The following MTX2 variants were observed in gnomAD, a reference collection of about 807,000 sequenced individuals.
MTX2 encodes metaxin-2.
MTX2 carries 35 observed loss-of-function variants against 42.3 expected under a neutral mutation model. That is an observed-to-expected ratio of 0.83 (90% CI 0.63 to 1.10). MTX2 has a LOEUF of 1.10. MTX2 is among the 50% of genes least tolerant of loss of function. The pLI, the probability that MTX2 is intolerant of heterozygous loss-of-function variation, is 0.00. For synonymous variants in MTX2, 119 were observed against 100.9 expected (o/e 1.18, Z -1.08); for missense variants, 307 against 304.1 (o/e 1.01, Z -0.07).
intron 1 of MTX2, among the ~76,000 whole-genome samples, chr2:176,294,649 G>C (rs965849574): frequency 6.6e-6 from 1 of 152,202 alleles, no homozygotes; most frequent in Non-Finnish European, 1.5e-5. Context: ...ACATTACAGA[G>C]TAGTGAAGTA....
chr2:176,307,072 A>G (rs568996787), intron 3 of MTX2, among the ~76,000 whole-genome samples: 64 of 152,264 alleles, frequency 4.2e-4, no homozygotes, highest in African/African-American at 1.5e-3. Flanking sequence ...TGCATCTTGA[A>G]TTAATTTCTG....
At chr2:176,287,088 G>A (rs1309292217) in intron 1 of MTX2, among the ~76,000 whole-genome samples, 3 of 151,968 alleles carry the variant, frequency 2.0e-5, no homozygotes, top group Non-Finnish European at 4.4e-5. Flanking sequence ...GTCATAATGA[G>A]GTAGACTTCA....
At chr2:176,301,362 G>T (rs1002374794) in intron 3 of MTX2, among the ~76,000 whole-genome samples, 1 of 152,068 alleles carries the variant, frequency 6.6e-6, no homozygotes, top group African/African-American at 2.4e-5. Flanking sequence ...AAACAACAAC[G>T]ACATTGGTTG....
chr2:176,270,316 G>A, intron 1 of MTX2: 6 of 1,323,346 alleles, frequency 4.5e-6, no homozygotes, highest in Non-Finnish European at 6.0e-6. Flanking sequence ...GATTACAGGC[G>A]CCCGCCACCA....
intron 9 of MTX2, among the ~76,000 whole-genome samples, chr2:176,336,014 A>C (rs1177522955): frequency 6.6e-6 from 1 of 152,116 alleles, no homozygotes; most frequent in Non-Finnish European, 1.5e-5. Context: ...ATAGCTAGTA[A>C]GTGATAGTAT....
At chr2:176,328,064 A>G (rs576954138) in intron 5 of MTX2, among the ~76,000 whole-genome samples, 1 of 151,148 alleles carries the variant, frequency 6.6e-6, no homozygotes, top group East Asian at 1.9e-4. Flanking sequence ...TGATAGTGTA[A>G]TTTTCTCTAT....
chr2:176,296,968 C>T (rs1314042808), intron 2 of MTX2, 61 bp downstream of exon 2: 3 of 1,470,480 alleles, frequency 2.0e-6, no homozygotes, highest in Non-Finnish European at 2.9e-6. Context: ...ACGGAAAAAT[C>T]CTCAGTAATA....
intron 1 of MTX2, among the ~76,000 whole-genome samples, chr2:176,280,160 C>A (rs950227711): frequency 6.6e-6 from 1 of 152,002 alleles, no homozygotes; most frequent in African/African-American, 2.4e-5. Context: ...GGACTAGAGG[C>A]CAGGGAGTCA....
chr2:176,273,534 T>G (rs77418528), intron 1 of MTX2, among the ~76,000 whole-genome samples: 163 of 152,342 alleles, frequency 1.1e-3, no homozygotes, highest in Admixed American at 1.9e-3. Flanking sequence ...CTAACACTGA[T>G]TATTTCTTTT....
chr2:176,328,342 A>G lies in MTX2; in HGVS notation c.335A>G (p.Lys112Arg). 1 of 1,590,974 alleles carries G rather than the reference A, an allele frequency of 6.3e-7. No individual in the cohort carries two copies. Among genetic ancestry groups the G allele is most frequent in the African/African-American group, 1.4e-5 (1 of 73,900 alleles). Reference sequence around the variant, plus strand: ...GAGGAAGTCCAAAAAGCAGAAATGAAAGCTTACATGGAATTAGTCAACAAT... The same window carrying G: ...GAGGAAGTCCAAAAAGCAGAAATGAGAGCTTACATGGAATTAGTCAACAAT... ...GLEEVQKAEM[K>R]AYMELVNNML... is the part of the protein sequence containing the mutation. The change falls in exon 6 of 10, where the codon AAA becomes AGA. Residue 112 changes from lysine (K) to arginine (R), a missense_variant. Physicochemically the swap from Lys to Arg is conservative, Grantham distance 26 (BLOSUM62 2). Coordinates refer to ENST00000249442, the MANE Select transcript of MTX2 (RefSeq NM_006554.5).
At chr2:176,317,329 A>G (rs900175367) in intron 3 of MTX2, among the ~76,000 whole-genome samples, 9 of 151,640 alleles carry the variant, frequency 5.9e-5, no homozygotes, top group African/African-American at 2.2e-4. Flanking sequence ...GTTCTTGTGC[A>G]AGTACTTGGC....
chr2:176,282,126 G>GTTTTTTTGTTTTTTTTTTTT (rs1693091383), intron 1 of MTX2, among the ~76,000 whole-genome samples: 3 of 26,432 alleles, frequency 1.1e-4, no homozygotes, highest in African/African-American at 1.6e-4. Context: ...AGTTACAGTA[G>GTTTTTTTGTTTTTTTTTTTT]TTTTTTTTTT....
chr2:176,284,651 A>G (rs540375387), intron 1 of MTX2, among the ~76,000 whole-genome samples: 1 of 152,332 alleles, frequency 6.6e-6, no homozygotes, highest in East Asian at 1.9e-4. Context: ...AAATAGCAAC[A>G]TGTTACTAAG....
At chr2:176,271,443 A>G (rs1212429853) in intron 1 of MTX2, among the ~76,000 whole-genome samples, 1 of 152,206 alleles carries the variant, frequency 6.6e-6, no homozygotes. Context: ...AAGACATCTC[A>G]AGTTAGTACA....
Position 176,288,418 on chromosome 2 carries a change from G to A in MTX2, c.41-8442G>A, listed in dbSNP as rs578087286. On this transcript the variant is annotated intron_variant, in intron 1 of 9. Coordinates refer to ENST00000249442, the MANE Select transcript of MTX2 (RefSeq NM_006554.5). The stretch of plus-strand genomic sequence containing the variant: ...TTCTTTGTGTGTCTTGCAGTAACTT[G>A]TCCATGTTTAAGAGCTGCCGAATGC... 7.0e-4 allele frequency among the ~76,000 whole-genome samples: 106 copies of A among 151,848 alleles called. 1 individual carries two copies. Among genetic ancestry groups the A allele is most frequent in the Non-Finnish European group, 4.1e-4 (28 of 67,912 alleles).
At chr2:176,328,241 T>G (rs1684758188) in intron 5 of MTX2, 52 bp from the exon 6 acceptor site, 1 of 1,214,450 alleles carries the variant, frequency 8.2e-7, no homozygotes, top group Non-Finnish European at 1.1e-6. Context: ...TAACTGAAAG[T>G]TTTTGTATAT....
chr2:176,322,914 T>G (rs1204279403), intron 3 of MTX2, among the ~76,000 whole-genome samples: 1 of 151,902 alleles, frequency 6.6e-6, no homozygotes, highest in Non-Finnish European at 1.5e-5. Context: ...AACTACATGT[T>G]GGAATATAGG....
At chr2:176,313,466 C>T (rs1173920867) in intron 3 of MTX2, among the ~76,000 whole-genome samples, 4 of 144,818 alleles carry the variant, frequency 2.8e-5, no homozygotes, top group Non-Finnish European at 5.9e-5. Context: ...GATCTTGGCT[C>T]ACTGCAACTT....
intron 8 of MTX2, among the ~76,000 whole-genome samples, chr2:176,329,882 C>CT (rs1553475559): frequency 6.7e-6 from 1 of 148,834 alleles, no homozygotes; most frequent in African/African-American, 2.5e-5. Context: ...GTACTTTGTC[C>CT]GTCTGTCTGT....
Sources: gnomAD v4.1 joint callset for allele counts (sites outside exome capture counted in the v4.1 genomes callset) on GRCh38, gnomAD v4.1.1 for gene constraint, MANE v1.5 for transcripts, NCBI Gene and HGNC (gene_info 2026-07-23, HGNC 2026-07-21) for gene names.